Variants in SLC13A5 observed in about 807,000 individuals in gnomAD.
SLC13A5 encodes the protein solute carrier family 13 member 5.
In SLC13A5, 25 loss-of-function variants were observed where a neutral mutation model predicts 56.5. That is an observed-to-expected ratio of 0.44 (90% CI 0.32 to 0.62). The LOEUF is 0.62. Among genes scored for constraint, SLC13A5 ranks in the 20% least tolerant of loss-of-function variants. SLC13A5 has a pLI of 0.04. For missense variants in SLC13A5, 649 were observed against 737.8 expected (o/e 0.88, Z 1.39); for synonymous variants, 307 against 301.5 (o/e 1.02, Z -0.19).
At chr17:6,712,930 A>G (rs1447711184) in intron 1 of SLC13A5, among the ~76,000 whole-genome samples, 1 of 152,208 alleles carries the variant, frequency 6.6e-6, no homozygotes, top group Admixed American at 6.5e-5. Flanking sequence ...GGCTGAGCCT[A>G]AGGCTGGGAT....
At chr17:6,702,776 C>T (rs1335630118) in intron 5 of SLC13A5, among the ~76,000 whole-genome samples, 194 bp downstream of exon 5, 1 of 149,814 alleles carries the variant, frequency 6.7e-6, no homozygotes, top group East Asian at 2.3e-4. Context: ...TCTAAGGCTT[C>T]TGTGTGGGCA....
In SLC13A5 at chr17:6,687,380, A is replaced by C; in HGVS notation, c.1575+149T>G. On this transcript the variant is annotated intron_variant, in intron 11 of 11. Coordinates refer to ENST00000433363, the MANE Select transcript of SLC13A5 (RefSeq NM_177550.5). The surrounding 1 kb of genome is among the most constrained non-coding windows in gnomAD (Gnocchi z 5.0). The stretch of plus-strand genomic sequence containing the variant: ...AGAAAAAGAAGAAAAGCTGCATTAT[A>C]AATGTCAACAATGGCTACAGGTCTG... 1.9e-6 allele frequency: 2 copies of C among 1,046,234 alleles called. No individual in the cohort carries two copies. The highest frequency in any genetic ancestry group is 1.6e-5 in the African/African-American group (1 of 61,738). 64.8% of individuals were successfully genotyped at this position (1,046,234 alleles called of 1,614,324 possible). A position where few individuals can be genotyped will look rare whatever the true frequency, so the allele number is the denominator to read the frequency against.
At chr17:6,698,565 G>C (rs1348873319) in intron 6 of SLC13A5, among the ~76,000 whole-genome samples, 1 of 152,232 alleles carries the variant, frequency 6.6e-6, no homozygotes. Context: ...CTCCCCAAGA[G>C]GGGATGCCAT....
chr17:6,687,236 C>T lies in SLC13A5; in HGVS notation c.1575+293G>A. ...AGTTCATCCTTGGCCATATGAGTCC[C>T]TCAGCCCCACCTTCACCCCTTCCAA... On this transcript the variant is annotated intron_variant, in intron 11 of 11. Coordinates refer to ENST00000433363, the MANE Select transcript of SLC13A5 (RefSeq NM_177550.5). This position sits in a 1 kb window ranked among gnomAD's most constrained non-coding sequence, Gnocchi z 5.0. 2.8e-6 allele frequency: 1 copy of T among 362,660 alleles called. No individual in the cohort carries two copies. Among genetic ancestry groups the T allele is most frequent in the South Asian group, 3.1e-5 (1 of 32,428 alleles). The allele number at this position is 362,660 out of a possible 1,614,324, so 22.5% of individuals were successfully genotyped here. A position where few individuals can be genotyped will look rare whatever the true frequency, so the allele number is the denominator to read the frequency against.
chr17:6,710,527 C>G (rs1197694441), intron 1 of SLC13A5, among the ~76,000 whole-genome samples: 1 of 152,204 alleles, frequency 6.6e-6, no homozygotes, highest in East Asian at 1.9e-4. Flanking sequence ...CAAGCAGACC[C>G]ACTAGGAAAG....
At chr17:6,695,191 C>T (rs1973525067) in intron 7 of SLC13A5, among the ~76,000 whole-genome samples, 1 of 152,124 alleles carries the variant, frequency 6.6e-6, no homozygotes, top group Non-Finnish European at 1.5e-5. Context: ...GAGGATACCA[C>T]AGGAACACAT....
At chr17:6,707,954 T>C (rs909118598) in intron 1 of SLC13A5, among the ~76,000 whole-genome samples, 12 of 144,586 alleles carry the variant, frequency 8.3e-5, no homozygotes, top group Admixed American at 5.0e-4. Context: ...CCCTAGGTTG[T>C]TTTATGTTTC....
rs1018580511 is a variant in SLC13A5 at position 6,707,033 on chromosome 17, T to C, written c.226A>G (p.Arg76Gly). 6.2e-7 allele frequency: 1 copy of C among 1,613,836 alleles called. No homozygotes were observed. The highest frequency in any genetic ancestry group is 8.5e-7 in the Non-Finnish European group (1 of 1,180,000). ...LFPLFQILDS[R>G]QVCVQYMKDT... ...GATCCCTTGGGTCTGCTCACCTGCC[T>C]GGAGTCCAGAATCTGGAAGAGTGGG... The change falls in exon 2 of 12, where the codon AGG becomes GGG. Residue 76 changes from arginine (R) to glycine (G), a missense_variant. Physicochemically the swap from Arg to Gly is moderately radical, Grantham distance 125. Transcript: ENST00000433363.
At chr17:6,697,826 C>T (rs1191637781) in intron 6 of SLC13A5, among the ~76,000 whole-genome samples, 1 of 152,080 alleles carries the variant, frequency 6.6e-6, no homozygotes, top group Non-Finnish European at 1.5e-5. Context: ...TAGATATAGC[C>T]TAGGAGGCTG....
At chr17:6,699,044 A>T (rs1567619569) in intron 6 of SLC13A5, among the ~76,000 whole-genome samples, 1 of 138,164 alleles carries the variant, frequency 7.2e-6, no homozygotes, top group Admixed American at 7.4e-5. Context: ...CACTGTCTCA[A>T]AAATAAATAA....
intron 4 of SLC13A5, 133 bp from the exon 5 acceptor site, chr17:6,703,271 A>T (rs1973768122): frequency 8.9e-7 from 1 of 1,125,732 alleles, no homozygotes. Context: ...ACTGGGCTCC[A>T]TAAGAGTTGC....
Position 6,713,314 on chromosome 17 carries a change from T to G in SLC13A5, c.20A>C (p.Tyr7Ser). 2 of 1,613,792 alleles carry G rather than the reference T, an allele frequency of 1.2e-6. No individual in the cohort carries two copies. The highest frequency in any genetic ancestry group is 1.7e-6 in the Non-Finnish European group (2 of 1,179,838). Residue 7 changes from tyrosine (Y) to serine (S), a missense_variant, in exon 1 of 12, where the codon TAT becomes TCT. Physicochemically the swap from Tyr to Ser is moderately radical, Grantham distance 144. Transcript: ENST00000433363. The surrounding 1 kb of genome is among the most constrained non-coding windows in gnomAD (Gnocchi z 7.3). The part of the protein sequence containing the change: MASALS[Y>S]VSKFKSFVIL... ...CACGAAGGACTTGAACTTGGAGACA[T>G]AGCTCAGCGCCGAGGCCATCGCGCG...
In SLC13A5 at chr17:6,695,846, A is replaced by G; in HGVS notation, c.935T>C (p.Leu312Ser). 6.2e-7 allele frequency: 1 copy of G among 1,614,118 alleles called. No homozygotes were observed. The stretch of plus-strand genomic sequence containing the variant: ...CAGCACGTTGATCTCCGCGAAGGAC[A>G]AGGGCCCCAGCTTCCGGTACTCCTC... ...LQEEYRKLGP[L>S]SFAEINVLIC... Residue 312 changes from leucine (L) to serine (S), a missense_variant, in exon 7 of 12, where the codon TTG becomes TCG. Physicochemically the swap from Leu to Ser is moderately radical, Grantham distance 145. Transcript: ENST00000433363.
At chr17:6,709,904 C>T (rs535093447) in intron 1 of SLC13A5, among the ~76,000 whole-genome samples, 24 of 152,340 alleles carry the variant, frequency 1.6e-4, no homozygotes, top group African/African-American at 5.8e-4. Flanking sequence ...GTTTAGAGCA[C>T]CGCTGGCCTC....
intron 5 of SLC13A5, among the ~76,000 whole-genome samples, chr17:6,702,438 C>A (rs1973738590): frequency 6.6e-6 from 1 of 152,176 alleles, no homozygotes; most frequent in Non-Finnish European, 1.5e-5. Context: ...GGGACTATAA[C>A]GAAGCAGTGA....
chr17:6,690,499 G>A lies in SLC13A5; in HGVS notation c.1437+280C>T, dbSNP rs73976238. ...CCTTAGCCCAAGTCCTGTCTCCCCA[G>A]CTTGAAAAATAATCCAATTAGATTT... On this transcript the variant is annotated intron_variant, in intron 10 of 11. Coordinates refer to ENST00000433363, the MANE Select transcript of SLC13A5 (RefSeq NM_177550.5). 3.3e-3 allele frequency among the ~76,000 whole-genome samples: 496 copies of A among 152,322 alleles called. 3 individuals are homozygous for A. Among genetic ancestry groups the A allele is most frequent in the African/African-American group, 0.011 (466 of 41,576 alleles).
At position 6,690,816 on chromosome 17, in the gene SLC13A5, GC is replaced by G. The variant is rs1275137765; in HGVS notation, c.1399del (p.Ala467ProfsTer30). On this transcript the variant is annotated frameshift_variant, in exon 10 of 12. Coordinates refer to ENST00000433363, the MANE Select transcript of SLC13A5 (RefSeq NM_177550.5). LOFTEE classifies it high-confidence loss of function. ...AVFTECTSNVATTTLFLPIFA... is the reference protein window; with the variant it reads ...AVFTECTSNVXTTTLFLPIFA... ...GATGGGCAGGAACAAGGTGGTGGTGGCCACGTTGCTTGTGCACTCAGTGAAC... is the reference window on the plus strand; with the variant it reads ...GATGGGCAGGAACAAGGTGGTGGTGGCACGTTGCTTGTGCACTCAGTGAAC... 1.9e-6 allele frequency: 3 copies of G among 1,614,214 alleles called. No homozygotes were observed. Among genetic ancestry groups the G allele is most frequent in the Non-Finnish European group, 2.5e-6 (3 of 1,180,050 alleles).
rs1368335362 is a variant in SLC13A5, at chr17:6,711,747, G to A, written c.102+1485C>T. On this transcript the variant is annotated intron_variant, in intron 1 of 11. Transcript: ENST00000433363. This position sits in a 1 kb window ranked among gnomAD's most constrained non-coding sequence, Gnocchi z 4.0. ...TGTGTGTGTGAGTGGGGTCTCCTGT[G>A]GCAGGAAGGTCAGCCAAGCTACTAT... is the stretch of plus-strand genomic sequence containing the variant. Among the ~76,000 whole-genome samples the A allele has an allele frequency of 3.3e-5, 5 of 151,878 alleles. No homozygotes were observed. The highest frequency in any genetic ancestry group is 7.4e-5 in the Non-Finnish European group (5 of 67,962).
chr17:6,701,215 C>T lies in SLC13A5; in HGVS notation c.717-89G>A. The T allele has an allele frequency of 1.9e-6, 3 of 1,550,096 alleles. No individual in the cohort carries two copies. Among genetic ancestry groups the T allele is most frequent in the Non-Finnish European group, 2.6e-6 (3 of 1,144,662 alleles). ...GTGGGGACGGAGCAGCAGCTGGGCCCTGAGAGGCGCGCCTGTGTGGAGGCC... is the reference window on the plus strand; with the variant it reads ...GTGGGGACGGAGCAGCAGCTGGGCCTTGAGAGGCGCGCCTGTGTGGAGGCC... On this transcript the variant is annotated intron_variant, in intron 5 of 11. Transcript: ENST00000433363. This position sits in a 1 kb window ranked among gnomAD's most constrained non-coding sequence, Gnocchi z 4.1.
Sources: allele counts gnomAD v4.1 joint callset (sites outside exome capture counted in the v4.1 genomes callset), GRCh38; gene constraint gnomAD v4.1.1; non-coding constraint Gnocchi (gnomAD v3.1); transcripts MANE v1.5; gene names NCBI Gene and HGNC (gene_info 2026-07-23, HGNC 2026-07-21).